Variants in RBFOX1 observed in about 807,000 individuals in gnomAD.
RBFOX1 encodes RNA binding fox-1 homolog 1.
RBFOX1 carries 8 observed loss-of-function variants against 57.7 expected under a neutral mutation model. The observed-to-expected ratio is 0.14, with a 90% CI of 0.08 to 0.25. RBFOX1 has a LOEUF of 0.25. Among genes scored for constraint, RBFOX1 ranks in the 10% least tolerant of loss-of-function variants. The pLI is 1.00. For synonymous variants in RBFOX1, 326 were observed against 222.4 expected, an observed-to-expected ratio of 1.47 and a Z score of -4.15; for missense variants, 611 against 548.5, an observed-to-expected ratio of 1.11 and a Z score of -1.14.
At chr16:5,893,503 C>G (rs150972595) in intron 4 of RBFOX1, among the ~76,000 whole-genome samples, 2 of 152,206 alleles carry the variant, frequency 1.3e-5, no homozygotes, top group East Asian at 3.9e-4. Context: ...GCATCGCATA[C>G]CTGTGTCCAT....
intron 2 of RBFOX1, among the ~76,000 whole-genome samples, chr16:6,507,142 T>G (rs995900208): frequency 6.6e-6 from 1 of 152,174 alleles, no homozygotes; most frequent in Non-Finnish European, 1.5e-5. Context: ...TGAGCCAGCA[T>G]CGTTCCTCAC....
intron 1 of RBFOX1, among the ~76,000 whole-genome samples, chr16:6,236,015 T>A (rs987036813): frequency 6.6e-6 from 1 of 151,976 alleles, no homozygotes; most frequent in Non-Finnish European, 1.5e-5. Flanking sequence ...ATAAAAAAAA[T>A]TCAAAAAATA....
At chr16:6,923,320 G>T (rs748159396) in intron 3 of RBFOX1, among the ~76,000 whole-genome samples, 9 of 152,110 alleles carry the variant, frequency 5.9e-5, no homozygotes, top group Non-Finnish European at 1.0e-4. Flanking sequence ...GATCATGTGA[G>T]GTCAGGAGTT....
At chr16:5,835,459 G>C (rs1202176228) in intron 3 of RBFOX1, among the ~76,000 whole-genome samples, 1 of 152,222 alleles carries the variant, frequency 6.6e-6, no homozygotes, top group East Asian at 1.9e-4. Flanking sequence ...GAGTATATCA[G>C]TCCTCCTATT....
At chr16:7,103,906 T>G (rs1236713932) in intron 4 of RBFOX1, among the ~76,000 whole-genome samples, 4 of 152,196 alleles carry the variant, frequency 2.6e-5, no homozygotes, top group Non-Finnish European at 5.9e-5. Flanking sequence ...TTCTGTTGTT[T>G]AGCTGAGTCT....
chr16:6,344,694 G>GCCTGGTCTTACAGAATC, intron 2 of RBFOX1, among the ~76,000 whole-genome samples: 2 of 88,328 alleles, frequency 2.3e-5, no homozygotes, highest in Non-Finnish European at 4.3e-5. Flanking sequence ...ACCGAGCCCG[G>GCCTGGTCTTACAGAATC]TTTTTTTTTT....
At chr16:5,368,754 G>A (rs943579961) in intron 1 of RBFOX1, among the ~76,000 whole-genome samples, 1 of 151,934 alleles carries the variant, frequency 6.6e-6, no homozygotes, top group Non-Finnish European at 1.5e-5. Flanking sequence ...CTAAGCAGGG[G>A]GTCTCAGCGT....
At chr16:6,609,596 A>T (rs944507646) in intron 2 of RBFOX1, among the ~76,000 whole-genome samples, 20 of 148,082 alleles carry the variant, frequency 1.4e-4, no homozygotes, top group African/African-American at 2.9e-4. Flanking sequence ...TCCTTAATTT[A>T]AAAAAAAATT....
At chr16:5,905,263 G>C (rs1341984140) in intron 4 of RBFOX1, among the ~76,000 whole-genome samples, 1 of 151,592 alleles carries the variant, frequency 6.6e-6, no homozygotes, top group Non-Finnish European at 1.5e-5. Flanking sequence ...AGACGGCCCA[G>C]GCTGGTCTAG....
intron 2 of RBFOX1, among the ~76,000 whole-genome samples, chr16:6,389,555 A>G (rs967444691): frequency 6.6e-6 from 1 of 152,266 alleles, no homozygotes; most frequent in South Asian, 2.1e-4. Context: ...ACTTAGTCCA[A>G]TTGCTGTTCT....
intron 4 of RBFOX1, among the ~76,000 whole-genome samples, chr16:6,013,714 C>T (rs990934303): frequency 6.6e-6 from 1 of 152,126 alleles, no homozygotes; most frequent in African/African-American, 2.4e-5. Flanking sequence ...TTTATGGCTG[C>T]ATAGTATTCC....
chr16:7,212,964 C>T (rs4375678), intron 4 of RBFOX1, among the ~76,000 whole-genome samples: 87,976 of 152,016 alleles, frequency 0.58, 25,801 homozygotes, highest in African/African-American at 0.64. Context: ...GAGAATAATT[C>T]TATGGAACAC....
intron 14 of RBFOX1, among the ~76,000 whole-genome samples, chr16:7,689,913 G>A (rs536275809): frequency 4.6e-5 from 7 of 152,164 alleles, no homozygotes; most frequent in African/African-American, 1.4e-4. Context: ...CTTGGATACT[G>A]TATCAGGTTT....
chr16:5,755,555 A>G (rs1286355708), intron 3 of RBFOX1, among the ~76,000 whole-genome samples: 3 of 152,252 alleles, frequency 2.0e-5, no homozygotes, highest in African/African-American at 2.4e-5. Flanking sequence ...CCACTTCCCC[A>G]TGGGCATCTA....
chr16:6,091,385 A>C (rs999530103), intron 1 of RBFOX1, among the ~76,000 whole-genome samples: 4 of 152,154 alleles, frequency 2.6e-5, no homozygotes, highest in African/African-American at 7.2e-5. Context: ...TACTCTCTCA[A>C]CACACTCTTA....
At chr16:6,847,149 G>A (rs756471822) in intron 3 of RBFOX1, among the ~76,000 whole-genome samples, 2 of 152,152 alleles carry the variant, frequency 1.3e-5, no homozygotes, top group Non-Finnish European at 2.9e-5. Context: ...CTGTCTTGCG[G>A]CCATTAAACA....
chr16:6,508,169 C>T (rs188573560), intron 2 of RBFOX1, among the ~76,000 whole-genome samples: 17 of 152,084 alleles, frequency 1.1e-4, no homozygotes, highest in East Asian at 9.7e-4. Flanking sequence ...ATGATGAGAA[C>T]GCATGGACAC....
intron 4 of RBFOX1, among the ~76,000 whole-genome samples, chr16:7,422,395 C>T (rs189449490): frequency 2.0e-5 from 3 of 152,050 alleles, no homozygotes; most frequent in Admixed American, 2.0e-4. Context: ...TAATAATGTC[C>T]GACAGGCAAG....
chr16:6,041,923 G>C (rs573937202), intron 1 of RBFOX1, among the ~76,000 whole-genome samples: 3 of 152,216 alleles, frequency 2.0e-5, no homozygotes, highest in South Asian at 4.1e-4. Flanking sequence ...GCAATCATCA[G>C]GGTGTCAGCA....
Sources: allele counts gnomAD v4.1 joint callset (sites outside exome capture counted in the v4.1 genomes callset), GRCh38; gene constraint gnomAD v4.1.1; transcripts MANE v1.5; gene names NCBI Gene and HGNC (gene_info 2026-07-23, HGNC 2026-07-21).